FADS3: variants seen among roughly 807,000 people sequenced by gnomAD.
FADS3 encodes fatty acid desaturase 3.
FADS3 carries 30 observed loss-of-function variants against 60.4 expected under a neutral mutation model. The ratio of observed to expected loss-of-function variants is 0.50; its 90% confidence interval spans 0.37 to 0.67. The LOEUF is 0.67. Among genes scored for constraint, FADS3 ranks in the 30% least tolerant of loss-of-function variants. The pLI, the probability that FADS3 is intolerant of heterozygous loss-of-function variation, is 0.00. For synonymous variants in FADS3, 234 were observed against 249.3 expected (o/e 0.94, Z 0.58); for missense variants, 432 against 598.3 (o/e 0.72, Z 2.90).
At position 61,878,090 on chromosome 11, in the gene FADS3, G is replaced by A. The variant is rs1937978056; in HGVS notation, c.808+65C>T. 8 of 1,468,910 alleles carry A rather than the reference G, an allele frequency of 5.4e-6. No homozygotes were observed. In the South Asian group the frequency reaches 8.0e-5, roughly 15 times the overall value. 91.0% of individuals were successfully genotyped at this position (1,468,910 alleles called of 1,614,324 possible). A position where few individuals can be genotyped will look rare whatever the true frequency, so the allele number is the denominator to read the frequency against. ...CAGGAAGTGGCTGGGAGTGGTCCAG[G>A]ACAGCAGGGAGGACAGTGCAGGCCC... On this transcript the variant is annotated intron_variant, in intron 6 of 11. Coordinates refer to ENST00000278829, the MANE Select transcript of FADS3 (RefSeq NM_021727.5).
chr11:61,891,206 C>CT lies in FADS3; in HGVS notation c.175dup (p.Ser59LysfsTer10). On this transcript the variant is annotated frameshift_variant, in exon 1 of 12. Coordinates refer to ENST00000278829, the MANE Select transcript of FADS3 (RefSeq NM_021727.5). LOFTEE classifies it high-confidence loss of function. ...AGCGCCGTGGTGGCCGATGAGGCGG[C>CT]TGCCCCCTGGGTGCCGCTGTGCCCA... 1 of 1,561,246 alleles carries CT rather than the reference C, an allele frequency of 6.4e-7. No homozygotes were observed.
At chr11:61,883,736 C>T (rs1329012354) in intron 1 of FADS3, among the ~76,000 whole-genome samples, 2 of 152,232 alleles carry the variant, frequency 1.3e-5, no homozygotes, top group Admixed American at 6.5e-5. Context: ...GGTCTCCTCG[C>T]CTCCTTTCCC....
Position 61,879,388 on chromosome 11 carries a change from G to A in FADS3, c.446C>T (p.Ala149Val). 1 of 1,581,188 alleles carries A rather than the reference G, an allele frequency of 6.3e-7. No homozygotes were observed. The highest frequency in any genetic ancestry group is 8.6e-7 in the Non-Finnish European group (1 of 1,164,112). ...LGHILAMEVL[A>V]WLLIYLLGPG... ...ACCCAGGAGGTAGATAAGGAGCCAG[G>A]CCAGCACCTCCATGGCCAGGATGTG... The change falls in exon 3 of 12, where the codon GCC becomes GTC. Residue 149 changes from alanine (A) to valine (V), a missense_variant. Ala to Val is a moderately conservative substitution (Grantham distance 64). Around this residue, in one of 5 missense-constraint regions of FADS3, gnomAD observed 116 missense variants for 208.9 expected, o/e 0.56. Coordinates refer to ENST00000278829, the MANE Select transcript of FADS3 (RefSeq NM_021727.5).
intron 11 of FADS3, among the ~76,000 whole-genome samples, chr11:61,874,127 C>T (rs919076974): frequency 1.3e-5 from 2 of 152,208 alleles, no homozygotes; most frequent in African/African-American, 4.8e-5. Context: ...CAGGCATGAG[C>T]CTGGGTGGGC....
chr11:61,889,192 C>T (rs542793350), intron 1 of FADS3, among the ~76,000 whole-genome samples: 3 of 152,166 alleles, frequency 2.0e-5, no homozygotes, highest in African/African-American at 7.2e-5. Flanking sequence ...CCACAGCGCT[C>T]GGCCTGAGAT....
At chr11:61,880,962 A>G (rs1938109175) in intron 1 of FADS3, 1 of 152,174 alleles carries the variant, frequency 6.6e-6, no homozygotes, top group African/African-American at 2.4e-5. Flanking sequence ...TTGGCCTCCC[A>G]AAGTGCTGGA....
chr11:61,880,076 C>G lies in FADS3; in HGVS notation c.289G>C (p.Ala97Pro). The G allele has an allele frequency of 6.2e-7, 1 of 1,614,086 alleles. No homozygotes were observed. The highest frequency in any genetic ancestry group is 1.1e-5 in the South Asian group (1 of 91,078). ...CCATCCTGGCTGGGTTCTTCCGGAG[C>G]CAGCTCTCCAATCAACAGGGGCTGT... is the stretch of plus-strand genomic sequence containing the variant. ...FLQPLLIGEL[A>P]PEEPSQDGPL... The change falls in exon 2 of 12, where the codon GCT becomes CCT. Residue 97 changes from alanine (A) to proline (P), a missense_variant. Ala to Pro is a conservative substitution (Grantham distance 27). Transcript: ENST00000278829.
chr11:61,890,879 C>T (rs1465216932), intron 1 of FADS3, among the ~76,000 whole-genome samples: 1 of 152,224 alleles, frequency 6.6e-6, no homozygotes, highest in African/African-American at 2.4e-5. Context: ...AACAGGGCAG[C>T]CCCTCACCCA....
At chr11:61,874,161 C>T (rs1236279750) in intron 11 of FADS3, among the ~76,000 whole-genome samples, 2 of 152,214 alleles carry the variant, frequency 1.3e-5, no homozygotes, top group South Asian at 2.1e-4. Flanking sequence ...ACCCAGTTCT[C>T]CATTGCTGCC....
rs193273849 is a variant in FADS3 at position 61,877,452 on chromosome 11, G to A, written c.885+59C>T. 67 of 1,540,568 alleles carry A rather than the reference G, an allele frequency of 4.3e-5. No individual in the cohort carries two copies. In the Admixed American group the frequency reaches 5.8e-4, roughly 13 times the overall value. On this transcript the variant is annotated intron_variant, in intron 7 of 11. Coordinates refer to ENST00000278829, the MANE Select transcript of FADS3 (RefSeq NM_021727.5). This position sits in a 1 kb window ranked among gnomAD's most constrained non-coding sequence, Gnocchi z 4.7. ...CCTTCATGGGCAGGTACTGTCCCCC[G>A]AGGCACCACCTCCTGCCACGGCAGC...
At chr11:61,879,639 T>C in intron 2 of FADS3, 130 bp from the exon 3 acceptor site, 2 of 886,610 alleles carry the variant, frequency 2.3e-6, no homozygotes, top group Non-Finnish European at 3.4e-6. Context: ...GTGACAAGAG[T>C]ACCCAGCCCG....
chr11:61,876,321 C>A lies in FADS3; in HGVS notation c.1080+38G>T. 1.2e-6 allele frequency: 2 copies of A among 1,600,942 alleles called. No homozygotes were observed. The highest frequency in any genetic ancestry group is 1.7e-6 in the Non-Finnish European group (2 of 1,171,144). ...CCATCTGGCTCCTAGCTGGGACCCCCCACCCCACCCAGGATGGGCCCCACC... is the reference window on the plus strand; with the variant it reads ...CCATCTGGCTCCTAGCTGGGACCCCACACCCCACCCAGGATGGGCCCCACC... On this transcript the variant is annotated intron_variant, in intron 9 of 11. Coordinates refer to ENST00000278829, the MANE Select transcript of FADS3 (RefSeq NM_021727.5). The surrounding 1 kb of genome is among the most constrained non-coding windows in gnomAD (Gnocchi z 5.7).
chr11:61,892,182 GCGCGTGGAGGCGGGCGCTGC>G (rs1938547625), upstream of FADS3: 1 of 152,554 alleles, frequency 6.6e-6, no homozygotes, highest in Non-Finnish European at 1.5e-5. Flanking sequence ...GAGGGCACTG[GCGCGTGGAGGCGGGCGCTGC>G]CATCCATGGG....
At position 61,876,014 on chromosome 11, in the gene FADS3, A is replaced by T. The variant is rs1445327655; in HGVS notation, c.1161-38T>A. The T allele has an allele frequency of 6.2e-7, 1 of 1,612,600 alleles. No homozygotes were observed. The highest frequency in any genetic ancestry group is 8.5e-7 in the Non-Finnish European group (1 of 1,179,490). On this transcript the variant is annotated intron_variant, in intron 10 of 11. Coordinates refer to ENST00000278829, the MANE Select transcript of FADS3 (RefSeq NM_021727.5). This position sits in a 1 kb window ranked among gnomAD's most constrained non-coding sequence, Gnocchi z 5.7. Reference sequence around the variant, plus strand: ...AGCGTATGCTGGCACCTGAAGTGGGAGATTCCAGAGAGAGGCCCCACCCAC... The same window carrying T: ...AGCGTATGCTGGCACCTGAAGTGGGTGATTCCAGAGAGAGGCCCCACCCAC...
rs766279636 is a variant in FADS3, at chr11:61,878,518, G to T, written c.741C>A (p.Ser247=). 2.5e-6 allele frequency: 4 copies of T among 1,613,890 alleles called. No individual in the cohort carries two copies. The highest frequency in any genetic ancestry group is 3.4e-6 in the Non-Finnish European group (4 of 1,179,874). ...VAPVFLLGES[S]VEYGKKKRRY... ...CACGTCCCTCCCCACCCACCTCGAC[G>T]GATGACTCCCCCAGGAGGAAGACGG... is the stretch of plus-strand genomic sequence containing the variant. The change falls in exon 5 of 12, where the codon TCC becomes TCA. Residue 247 remains serine (S), a synonymous_variant. Transcript: ENST00000278829.
At chr11:61,886,311 C>T (rs1018868070) in intron 1 of FADS3, 3 of 152,268 alleles carry the variant, frequency 2.0e-5, no homozygotes, top group African/African-American at 7.2e-5. Context: ...AGGAAGAGAC[C>T]GGGAGGGATG....
Position 61,875,161 on chromosome 11 carries a change from A to G in FADS3, c.1286+690T>C, listed in dbSNP as rs942793156. Among the ~76,000 whole-genome samples, 7 of 152,170 alleles carry G rather than the reference A, an allele frequency of 4.6e-5. No homozygotes were observed. The South Asian group carries it at 1.4e-3, about 31-fold the overall frequency. ...GCTTGCTATATAGAGGGTTCTTTCT[A>G]GAGGGCGTGTGAGGGGATGTCCCAA... On this transcript the variant is annotated intron_variant, in intron 11 of 11. Coordinates refer to ENST00000278829, the MANE Select transcript of FADS3 (RefSeq NM_021727.5).
chr11:61,878,302 G>C (rs753731810), intron 5 of FADS3, 87 bp from the exon 6 acceptor site: 2 of 1,470,122 alleles, frequency 1.4e-6, no homozygotes, highest in Admixed American at 3.4e-5. Flanking sequence ...CTGGGGCCAA[G>C]GGTCAAAGGC....
At chr11:61,888,632 T>C (rs1330286044) in intron 1 of FADS3, among the ~76,000 whole-genome samples, 2 of 152,206 alleles carry the variant, frequency 1.3e-5, no homozygotes. Flanking sequence ...CGTGCAGGGC[T>C]GTCCCACCAT....
Sources: gnomAD v4.1 joint callset for allele counts (sites outside exome capture counted in the v4.1 genomes callset) on GRCh38, gnomAD v4.1.1 for gene constraint, gnomAD v4.1.1 regional missense constraint, Gnocchi (gnomAD v3.1) non-coding constraint, MANE v1.5 for transcripts, NCBI Gene and HGNC (gene_info 2026-07-23, HGNC 2026-07-21) for gene names.